AOPEP: variants seen among roughly 807,000 people sequenced by gnomAD.
The protein encoded by AOPEP is aminopeptidase O.
In AOPEP, 77 loss-of-function variants were observed where a neutral mutation model predicts 98.1. The observed-to-expected ratio is 0.78, with a 90% CI of 0.65 to 0.95. The LOEUF is 0.95. AOPEP is among the 40% of genes least tolerant of loss of function. The pLI, the probability that AOPEP is intolerant of heterozygous loss-of-function variation, is 0.00. For missense variants in AOPEP, 1,024 were observed against 1,024.7 expected (o/e 1.00, Z 0.01); for synonymous variants, 346 against 365.3 (o/e 0.95, Z 0.60).
At chr9:95,081,012 C>T (rs531821577) in intron 15 of AOPEP, 9 of 531,194 alleles carry the variant, frequency 1.7e-5, no homozygotes, top group South Asian at 1.2e-4. Flanking sequence ...GTGGCCCACA[C>T]GTCATCCGAT....
chr9:94,786,750 G>A (rs7022794), intron 3 of AOPEP, among the ~76,000 whole-genome samples: 9,953 of 152,230 alleles, frequency 0.065, 1,081 homozygotes, highest in African/African-American at 0.23. Flanking sequence ...CTCAGCGCTG[G>A]CTCCAGCATT....
chr9:94,803,970 G>A (rs940432775), intron 5 of AOPEP, among the ~76,000 whole-genome samples: 1 of 152,204 alleles, frequency 6.6e-6, no homozygotes, highest in South Asian at 2.1e-4. Flanking sequence ...TATGATGTCT[G>A]TATGAAGATA....
At chr9:95,136,188 C>T in the AOPEP span, among the ~76,000 whole-genome samples, 1 of 152,130 alleles carries the variant, frequency 6.6e-6, no homozygotes, top group East Asian at 1.9e-4. Flanking sequence ...CCCAGGAGTT[C>T]AAGACCAGCC....
At chr9:94,962,390 G>A (rs913870517) in intron 9 of AOPEP, among the ~76,000 whole-genome samples, 2 of 152,158 alleles carry the variant, frequency 1.3e-5, no homozygotes, top group African/African-American at 4.8e-5. Context: ...AGAATTTGCC[G>A]GGTTTGTGCA....
the AOPEP span, among the ~76,000 whole-genome samples, chr9:95,139,839 T>C: frequency 0.011 from 1,551 of 146,976 alleles, 32 homozygotes; most frequent in African/African-American, 0.037. Context: ...TATATTTATA[T>C]ATATATATAT....
At chr9:94,995,966 GC>G (rs1246277470) in intron 11 of AOPEP, among the ~76,000 whole-genome samples, 1 of 152,154 alleles carries the variant, frequency 6.6e-6, no homozygotes, top group Non-Finnish European at 1.5e-5. Flanking sequence ...TTGCTGCTTG[GC>G]TGATCAGTGC....
chr9:94,742,319 A>G (rs1190361872), intron 1 of AOPEP, among the ~76,000 whole-genome samples: 1 of 152,222 alleles, frequency 6.6e-6, no homozygotes, highest in Non-Finnish European at 1.5e-5. Context: ...CAAGGCCTCT[A>G]GAGCTGTGCT....
intron 5 of AOPEP, among the ~76,000 whole-genome samples, chr9:94,874,444 A>G (rs1423279686): frequency 1.3e-5 from 2 of 152,108 alleles, no homozygotes; most frequent in Non-Finnish European, 2.9e-5. Context: ...GTGGTCTTTC[A>G]TCTAAGAACT....
At chr9:94,851,223 G>A (rs542680544) in intron 5 of AOPEP, among the ~76,000 whole-genome samples, 39 of 152,296 alleles carry the variant, frequency 2.6e-4, no homozygotes, top group African/African-American at 5.3e-4. Context: ...CCTTGCAGGC[G>A]TGCCTTGGCA....
intron 10 of AOPEP, among the ~76,000 whole-genome samples, chr9:94,970,715 A>AC (rs2059485073): frequency 6.6e-6 from 1 of 151,482 alleles, no homozygotes; most frequent in African/African-American, 2.4e-5. Flanking sequence ...AAAAAAAAAA[A>AC]CAGACATATG....
chr9:94,998,955 G>A (rs7875287), intron 11 of AOPEP, among the ~76,000 whole-genome samples: 9,946 of 152,034 alleles, frequency 0.065, 797 homozygotes, highest in African/African-American at 0.18. Flanking sequence ...TTATATCTGC[G>A]TAGTATTATA....
intron 7 of AOPEP, among the ~76,000 whole-genome samples, chr9:94,954,935 C>A (rs573517059): frequency 9.2e-5 from 14 of 152,110 alleles, no homozygotes; most frequent in African/African-American, 2.9e-4. Flanking sequence ...GAGGGTCTGG[C>A]AGACTTTAAT....
intron 11 of AOPEP, among the ~76,000 whole-genome samples, chr9:94,983,425 C>T (rs2060318796): frequency 6.6e-6 from 1 of 152,148 alleles, no homozygotes. Context: ...TTCCTAGCAC[C>T]TCTGCCATTT....
At chr9:94,958,055 C>T (rs1180138268) in intron 9 of AOPEP, among the ~76,000 whole-genome samples, 1 of 152,164 alleles carries the variant, frequency 6.6e-6, no homozygotes, top group Non-Finnish European at 1.5e-5. Flanking sequence ...CCATTCTTTC[C>T]TCCCCCAGCC....
chr9:95,033,183 A>T (rs1311351208), intron 13 of AOPEP, among the ~76,000 whole-genome samples: 2 of 152,124 alleles, frequency 1.3e-5, no homozygotes, highest in Non-Finnish European at 2.9e-5. Context: ...GGCCAAACAG[A>T]TATAAGTCCG....
the AOPEP span, among the ~76,000 whole-genome samples, chr9:95,109,256 G>C: frequency 6.6e-6 from 1 of 152,130 alleles, no homozygotes; most frequent in Non-Finnish European, 1.5e-5. Flanking sequence ...CTATTCCATG[G>C]TTAGGATATA....
chr9:95,020,918 C>CAAA (rs55696602), intron 13 of AOPEP, among the ~76,000 whole-genome samples: 3 of 73,356 alleles, frequency 4.1e-5, no homozygotes, highest in African/African-American at 1.0e-4. Flanking sequence ...GACCTTGTCT[C>CAAA]AAAAAAAAAA....
chr9:95,000,306 TAAAC>T (rs2061482692), intron 11 of AOPEP, among the ~76,000 whole-genome samples: 1 of 152,224 alleles, frequency 6.6e-6, no homozygotes, highest in African/African-American at 2.4e-5. Flanking sequence ...TCTAATGTAA[TAAAC>T]AACCCTCTAA....
chr9:94,967,879 T>C (rs2059304174), intron 10 of AOPEP, 78 bp downstream of exon 10: 1 of 1,197,506 alleles, frequency 8.4e-7, no homozygotes, highest in Non-Finnish European at 1.2e-6. Context: ...GGTTGGCTTG[T>C]CACAGCCTAG....
Sources: gnomAD v4.1 joint callset for allele counts (sites outside exome capture counted in the v4.1 genomes callset) on GRCh38, gnomAD v4.1.1 for gene constraint, MANE v1.5 for transcripts, NCBI Gene and HGNC (gene_info 2026-07-23, HGNC 2026-07-21) for gene names.